The following GTF2I variants were observed in gnomAD, a reference collection of about 807,000 sequenced individuals.
GTF2I encodes general transcription factor II-I.
A neutral mutation model predicts 67.6 loss-of-function variants in GTF2I; 12 were observed. The observed-to-expected ratio is 0.18, with a 90% confidence interval of 0.11 to 0.29. The LOEUF (loss-of-function observed/expected upper bound fraction) is 0.29, where lower values mean the gene tolerates loss of function less well. Among genes scored for constraint, GTF2I ranks in the 10% least tolerant of loss-of-function variants. GTF2I has a pLI of 1.00. For missense variants in GTF2I, 271 were observed against 580.1 expected (o/e 0.47, Z 5.47); for synonymous variants, 149 against 197.0 (o/e 0.76, Z 2.04).
intron 1 of GTF2I, among the ~76,000 whole-genome samples, chr7:74,687,193 G>A (rs1482950353): frequency 6.6e-6 from 1 of 151,560 alleles, no homozygotes; most frequent in Non-Finnish European, 1.5e-5. Flanking sequence ...GCCCAGCCAA[G>A]TGTCAATTAT....
intron 5 of GTF2I, 64 bp from the exon 6 acceptor site, chr7:74,700,542 A>T: frequency 1.3e-6 from 2 of 1,599,324 alleles, no homozygotes; most frequent in Non-Finnish European, 1.7e-6. Flanking sequence ...AGTCATTTAA[A>T]TGTATGCTTT....
chr7:74,714,152 A>G (rs1424104921), intron 9 of GTF2I, among the ~76,000 whole-genome samples: 2 of 152,140 alleles, frequency 1.3e-5, no homozygotes, highest in African/African-American at 4.8e-5. Flanking sequence ...TTTGTTTTCT[A>G]TTTTAAAACT....
intron 1 of GTF2I, among the ~76,000 whole-genome samples, chr7:74,659,760 C>T (rs587615445): frequency 1.3e-5 from 2 of 152,108 alleles, no homozygotes; most frequent in African/African-American, 4.8e-5. Flanking sequence ...CTAGGCTGGT[C>T]GGGAACTCCT....
intron 1 of GTF2I, among the ~76,000 whole-genome samples, chr7:74,671,708 A>C (rs1003274229): frequency 6.6e-6 from 1 of 152,090 alleles, no homozygotes; most frequent in Non-Finnish European, 1.5e-5. Flanking sequence ...CCGGCTGGCC[A>C]TGGTGTCTCA....
At chr7:74,678,012 G>A (rs1554392902) in intron 1 of GTF2I, among the ~76,000 whole-genome samples, 1 of 151,784 alleles carries the variant, frequency 6.6e-6, no homozygotes, top group East Asian at 1.9e-4. Context: ...ACTTAGGTTT[G>A]GACGGAAAAT....
At chr7:74,666,548 A>T (rs13236822) in intron 1 of GTF2I, among the ~76,000 whole-genome samples, 35 of 151,772 alleles carry the variant, frequency 2.3e-4, no homozygotes, top group African/African-American at 5.3e-4. Context: ...ATTAAAAAAA[A>T]TTTTTTTTGG....
intron 1 of GTF2I, among the ~76,000 whole-genome samples, chr7:74,673,337 G>A (rs1207237063): frequency 6.6e-6 from 1 of 152,054 alleles, no homozygotes; most frequent in East Asian, 1.9e-4. Flanking sequence ...GACAACTCCT[G>A]CTCTTAACTG....
chr7:74,681,782 C>T (rs1010707341), intron 1 of GTF2I, among the ~76,000 whole-genome samples: 1 of 151,748 alleles, frequency 6.6e-6, no homozygotes, highest in Non-Finnish European at 1.5e-5. Context: ...CGTGGTGGTG[C>T]ACGCCTGTAA....
At chr7:74,705,313 A>T (rs1488009419) in intron 7 of GTF2I, 95 bp downstream of exon 7, 2 of 763,052 alleles carry the variant, frequency 2.6e-6, no homozygotes, top group Admixed American at 2.1e-5. Flanking sequence ...AAAAGGCCTC[A>T]TGTCACACAT....
rs1794016819 is a variant in GTF2I at position 74,727,619 on chromosome 7, A to C, written c.944-1167A>C. 3 of 152,276 alleles carry C rather than the reference A, an allele frequency of 2.0e-5. No individual in the cohort carries two copies. The South Asian group carries it at 6.2e-4, about 32-fold the overall frequency. The allele number at this position is 152,276 out of a possible 1,614,324, so 9.4% of individuals were successfully genotyped here. A position where few individuals can be genotyped will look rare whatever the true frequency, so the allele number is the denominator to read the frequency against. On this transcript the variant is annotated intron_variant, in intron 12 of 34. Transcript: ENST00000573035. ...TGATACTGTCTTTAACACAATAATT[A>C]TTTTCTTCACCATACCACATTTGTT...
chr7:74,693,042 A>G (rs34324971), intron 3 of GTF2I, among the ~76,000 whole-genome samples: 131,000 of 152,006 alleles, frequency 0.86, 56,682 homozygotes, highest in East Asian at 0.97. Context: ...GATTACAGGC[A>G]TGAGCCACTG....
chr7:74,699,011 AC>A lies in GTF2I; in HGVS notation c.292del (p.Gln98ArgfsTer5). ...AGAGATGCATAAAATGAAATCTACA[AC>A]CCAGGCAAATCGGATGAGTGTAGAT... ...AAEMHKMKST[T>X]QANRMSVDAV... is the part of the protein sequence containing the mutation. On this transcript the variant is annotated frameshift_variant, in exon 4 of 35. Transcript: ENST00000573035. LOFTEE classifies it high-confidence loss of function. The A allele has an allele frequency of 6.5e-7, 1 of 1,540,494 alleles. No homozygotes were observed. Among genetic ancestry groups the A allele is most frequent in the Non-Finnish European group, 8.8e-7 (1 of 1,136,740 alleles).
intron 11 of GTF2I, among the ~76,000 whole-genome samples, chr7:74,718,088 C>T (rs753395044): frequency 6.6e-6 from 1 of 152,198 alleles, no homozygotes; most frequent in African/African-American, 2.4e-5. Context: ...ACCGATGGCT[C>T]ACCGCCTTGC....
chr7:74,734,413 ATTTTGTTTTG>A (rs1162557434), intron 16 of GTF2I, among the ~76,000 whole-genome samples: 8 of 149,610 alleles, frequency 5.3e-5, no homozygotes, highest in African/African-American at 2.0e-4. Flanking sequence ...TGTTAGATGT[ATTTTGTTTTG>A]TTTTGTTTTG....
chr7:74,681,536 C>T (rs377458026), intron 1 of GTF2I, among the ~76,000 whole-genome samples: 199 of 152,290 alleles, frequency 1.3e-3, no homozygotes, highest in African/African-American at 4.1e-3. Flanking sequence ...ACAGTATATC[C>T]CGTGTCATCT....
At chr7:74,721,237 C>T (rs1554404570) in intron 12 of GTF2I, among the ~76,000 whole-genome samples, 4 of 152,208 alleles carry the variant, frequency 2.6e-5, no homozygotes. Context: ...GACAGGGTTT[C>T]TCCATCTTGG....
At chr7:74,683,828 G>C (rs1237984392) in intron 1 of GTF2I, among the ~76,000 whole-genome samples, 3 of 152,042 alleles carry the variant, frequency 2.0e-5, no homozygotes, top group Admixed American at 1.3e-4. Flanking sequence ...ACTCCAGCCG[G>C]GGCAACAGAG....
At chr7:74,676,324 C>T (rs1194068251) in intron 1 of GTF2I, among the ~76,000 whole-genome samples, 2 of 152,044 alleles carry the variant, frequency 1.3e-5, no homozygotes, top group African/African-American at 4.8e-5. Flanking sequence ...AAATTAAAAA[C>T]ACAGCTCCTA....
At chr7:74,666,687 G>T (rs587624696) in intron 1 of GTF2I, among the ~76,000 whole-genome samples, 1 of 151,828 alleles carries the variant, frequency 6.6e-6, no homozygotes, top group Admixed American at 6.6e-5. Flanking sequence ...CAAAAAATTG[G>T]CCGGGCACGG....
Sources: allele counts gnomAD v4.1 joint callset (sites outside exome capture counted in the v4.1 genomes callset), GRCh38; gene constraint gnomAD v4.1.1; transcripts MANE v1.5; gene names NCBI Gene and HGNC (gene_info 2026-07-23, HGNC 2026-07-21).